Variants in CNTN4 observed in about 807,000 individuals in gnomAD.
CNTN4 encodes the protein contactin 4.
A neutral mutation model predicts 122.5 loss-of-function variants in CNTN4; 77 were observed. That is an observed-to-expected ratio of 0.63 (90% CI 0.52 to 0.76). CNTN4 has a LOEUF of 0.76. CNTN4 is among the 30% of genes least tolerant of loss of function. CNTN4 has a pLI of 0.00. For synonymous variants in CNTN4, 512 were observed against 447.0 expected (o/e 1.15, Z -1.83); for missense variants, 1,256 against 1,259.1 (o/e 1.00, Z 0.04).
chr3:2,595,082 A>G (rs1268223668), intron 4 of CNTN4, among the ~76,000 whole-genome samples: 1 of 152,216 alleles, frequency 6.6e-6, no homozygotes, highest in Non-Finnish European at 1.5e-5. Context: ...GCTATACATT[A>G]GTGGGAACAG....
Position 2,887,005 on chromosome 3 carries a change from T to C in CNTN4, c.756-35T>C, listed in dbSNP as rs145011776. The C allele has an allele frequency of 1.6e-4, 248 of 1,590,928 alleles. 1 individual carries two copies. In the African/African-American group the frequency reaches 2.9e-3, roughly 18 times the overall value. ...TTCAGATAAAAGGTCCAGTTTTCTC[T>C]AGTTTGATTCACTCCTTTTTATTCT... On this transcript the variant is annotated intron_variant, in intron 9 of 24. Coordinates refer to ENST00000418658, the MANE Select transcript of CNTN4 (RefSeq NM_175607.3).
At chr3:2,259,531 C>A (rs1026323065) in intron 2 of CNTN4, among the ~76,000 whole-genome samples, 1 of 152,178 alleles carries the variant, frequency 6.6e-6, no homozygotes, top group African/African-American at 2.4e-5. Context: ...AATGGACTCA[C>A]AGTTCCACGT....
chr3:2,666,711 T>C (rs919154246), intron 4 of CNTN4, among the ~76,000 whole-genome samples: 4 of 151,676 alleles, frequency 2.6e-5, no homozygotes, highest in Non-Finnish European at 5.9e-5. Flanking sequence ...CTCCTTTACA[T>C]TAGGTATATC....
intron 12 of CNTN4, among the ~76,000 whole-genome samples, chr3:2,903,422 G>A (rs1232982472): frequency 1.3e-5 from 2 of 152,172 alleles, no homozygotes; most frequent in African/African-American, 4.8e-5. Context: ...AATTTTTCCA[G>A]ACTGTGCATT....
intron 3 of CNTN4, among the ~76,000 whole-genome samples, chr3:2,561,935 T>C (rs1301870534): frequency 6.6e-6 from 1 of 152,180 alleles, no homozygotes; most frequent in Non-Finnish European, 1.5e-5. Flanking sequence ...TCAATTAGCA[T>C]TGCTTTCCAT....
At chr3:2,754,435 G>A (rs1231496140) in intron 6 of CNTN4, among the ~76,000 whole-genome samples, 2 of 152,106 alleles carry the variant, frequency 1.3e-5, no homozygotes, top group Admixed American at 1.3e-4. Context: ...CATTATCATG[G>A]TCATGGGCAA....
intron 2 of CNTN4, among the ~76,000 whole-genome samples, chr3:2,260,336 G>T (rs183331835): frequency 8.3e-4 from 126 of 152,060 alleles, no homozygotes; most frequent in Non-Finnish European, 1.3e-3. Flanking sequence ...ATGTTTTCAG[G>T]CATTATCATT....
intron 6 of CNTN4, among the ~76,000 whole-genome samples, chr3:2,805,686 C>T (rs372930877): frequency 3.5e-4 from 53 of 152,038 alleles, no homozygotes; most frequent in East Asian, 2.9e-3. Context: ...TGAGCAGGGC[C>T]GAGGTGGAGA....
At chr3:2,594,148 T>C (rs896564578) in intron 4 of CNTN4, among the ~76,000 whole-genome samples, 3 of 152,180 alleles carry the variant, frequency 2.0e-5, no homozygotes, top group African/African-American at 7.2e-5. Context: ...TTTGCTTACA[T>C]AGTTGTTGGC....
chr3:2,327,390 T>C lies in CNTN4; in HGVS notation c.-144-11788T>C, dbSNP rs373330473. 5.3e-5 allele frequency among the ~76,000 whole-genome samples: 8 copies of C among 152,296 alleles called. No homozygotes were observed. In the South Asian group the frequency reaches 1.0e-3, roughly 20 times the overall value. On this transcript the variant is annotated intron_variant, in intron 2 of 24. Coordinates refer to ENST00000418658, the MANE Select transcript of CNTN4 (RefSeq NM_175607.3). The stretch of plus-strand genomic sequence containing the variant: ...TCCTCCTTATGCTATTTAGTTTCCA[T>C]CTCATTCCTCATGGTAATGGAGAAA...
At chr3:2,764,517 G>A (rs563012552) in intron 6 of CNTN4, among the ~76,000 whole-genome samples, 1 of 152,226 alleles carries the variant, frequency 6.6e-6, no homozygotes, top group Non-Finnish European at 1.5e-5. Flanking sequence ...AGAGCAGAAA[G>A]TGGTGGGAGG....
chr3:2,246,387 T>A (rs953135653), intron 2 of CNTN4, among the ~76,000 whole-genome samples: 4 of 152,152 alleles, frequency 2.6e-5, no homozygotes, highest in Middle Eastern at 3.4e-3. Flanking sequence ...AAAGGAAACC[T>A]TTAATGGGAA....
chr3:2,708,219 T>A (rs1050999192), intron 4 of CNTN4, among the ~76,000 whole-genome samples: 1 of 152,150 alleles, frequency 6.6e-6, no homozygotes, highest in Non-Finnish European at 1.5e-5. Flanking sequence ...GAAGTTAAAA[T>A]ATATAATTCT....
intron 2 of CNTN4, among the ~76,000 whole-genome samples, chr3:2,150,506 A>G (rs966416320): frequency 2.0e-5 from 3 of 152,082 alleles, no homozygotes; most frequent in Non-Finnish European, 4.4e-5. Flanking sequence ...GGAGAAATCT[A>G]TTTCTACGGG....
chr3:2,646,077 T>A (rs936646121), intron 4 of CNTN4, among the ~76,000 whole-genome samples: 9 of 152,156 alleles, frequency 5.9e-5, no homozygotes, highest in Non-Finnish European at 1.3e-4. Context: ...GGAAACCGAT[T>A]TTGTCTATCT....
At chr3:3,018,528 G>C (rs1197736798) in intron 14 of CNTN4, among the ~76,000 whole-genome samples, 2 of 152,174 alleles carry the variant, frequency 1.3e-5, no homozygotes, top group African/African-American at 4.8e-5. Flanking sequence ...GAGCTCTATG[G>C]AGACATGGCT....
chr3:2,705,669 A>G (rs2086649148), intron 4 of CNTN4, among the ~76,000 whole-genome samples: 1 of 93,030 alleles, frequency 1.1e-5, no homozygotes, highest in Non-Finnish European at 1.8e-5. Flanking sequence ...ATATATATTT[A>G]TATATTGTAT....
chr3:2,992,236 G>A (rs1695123085), intron 14 of CNTN4, among the ~76,000 whole-genome samples: 1 of 152,140 alleles, frequency 6.6e-6, no homozygotes, highest in Admixed American at 6.5e-5. Context: ...AATTCTGACA[G>A]GTGCCCAGGG....
chr3:2,638,299 C>T (rs147594014), intron 4 of CNTN4, among the ~76,000 whole-genome samples: 2,599 of 152,224 alleles, frequency 0.017, 61 homozygotes, highest in African/African-American at 0.059. Flanking sequence ...CCTTCAAACT[C>T]CTGGTTTCAT....
Sources: allele counts gnomAD v4.1 joint callset (sites outside exome capture counted in the v4.1 genomes callset), GRCh38; gene constraint gnomAD v4.1.1; transcripts MANE v1.5; gene names NCBI Gene and HGNC (gene_info 2026-07-23, HGNC 2026-07-21).